The following PEX7 variants were observed in gnomAD, a reference collection of about 807,000 sequenced individuals.
PEX7 encodes peroxisomal biogenesis factor 7.
A neutral mutation model predicts 47.5 loss-of-function variants in PEX7; 34 were observed. The observed-to-expected ratio is 0.72, with a 90% CI of 0.54 to 0.95. The LOEUF (loss-of-function observed/expected upper bound fraction) is 0.95. Among genes scored for constraint, PEX7 ranks in the 40% least tolerant of loss-of-function variants. The pLI is 0.00. For synonymous variants in PEX7, 141 were observed against 148.8 expected, an observed-to-expected ratio of 0.95 and a Z score of 0.38; for missense variants, 394 against 400.3, an observed-to-expected ratio of 0.98 and a Z score of 0.13.
intron 8 of PEX7, among the ~76,000 whole-genome samples, chr6:136,893,542 C>T (rs1038407625): frequency 7.2e-5 from 11 of 152,290 alleles, no homozygotes; most frequent in South Asian, 2.1e-4. Flanking sequence ...AACTATGAGC[C>T]GCACAGGAGG....
intron 5 of PEX7, among the ~76,000 whole-genome samples, chr6:136,846,831 A>G (rs1216441546): frequency 6.6e-6 from 1 of 152,128 alleles, no homozygotes; most frequent in African/African-American, 2.4e-5. Context: ...TAGCAGCATG[A>G]TTTATAATCT....
At chr6:136,836,798 C>T (rs1774393031) in intron 3 of PEX7, among the ~76,000 whole-genome samples, 1 of 151,958 alleles carries the variant, frequency 6.6e-6, no homozygotes, top group South Asian at 2.1e-4. Flanking sequence ...ACTAAAAATA[C>T]AAAAATTAGC....
chr6:136,822,842 G>GGGGGCCGGGGCCAGCCGGGGGCC, intron 1 of PEX7, 47 bp downstream of exon 1: 1 of 1,231,682 alleles, frequency 8.1e-7, no homozygotes, highest in Non-Finnish European at 1.0e-6. Flanking sequence ...AGGCGGAGGC[G>GGGGGCCGGGGCCAGCCGGGGGCC]GGGGCCAGCC....
intron 8 of PEX7, among the ~76,000 whole-genome samples, chr6:136,889,491 C>T (rs2115259278): frequency 6.6e-6 from 1 of 152,260 alleles, no homozygotes; most frequent in East Asian, 1.9e-4. Context: ...GAATGTTAAG[C>T]CTTAGCTTAA....
intron 8 of PEX7, among the ~76,000 whole-genome samples, chr6:136,876,415 G>C (rs900762193): frequency 6.6e-6 from 1 of 152,070 alleles, no homozygotes; most frequent in Admixed American, 6.6e-5. Context: ...AGGTATATAC[G>C]TGCTATGGTG....
chr6:136,865,706 A>G (rs758454663), intron 5 of PEX7, among the ~76,000 whole-genome samples: 3 of 152,150 alleles, frequency 2.0e-5, no homozygotes, highest in Non-Finnish European at 4.4e-5. Context: ...TGAACCCAGG[A>G]GGTGGAAGTT....
intron 9 of PEX7, among the ~76,000 whole-genome samples, chr6:136,905,811 T>C (rs890672713): frequency 2.0e-5 from 3 of 152,206 alleles, no homozygotes; most frequent in African/African-American, 7.2e-5. Context: ...GTAGATGTCA[T>C]GCTTTTCCTT....
intron 7 of PEX7, 144 bp downstream of exon 7, chr6:136,870,147 A>G: frequency 1.9e-6 from 1 of 539,004 alleles, no homozygotes; most frequent in South Asian, 3.4e-5. Flanking sequence ...ATTAATTAGT[A>G]GTGAAAGCTA....
In PEX7 at chr6:136,913,620, TA is replaced by T; in HGVS notation, c.*95del. On this transcript the variant is annotated 3_prime_UTR_variant, in exon 10 of 10. Transcript: ENST00000318471. ...ATGGAAAACATAGACATTATGCTTT[TA>T]TATGCTATTCAGATTTCAAATCTTT... 2.3e-6 allele frequency: 2 copies of T among 876,332 alleles called. No individual in the cohort carries two copies. The highest frequency in any genetic ancestry group is 1.3e-5 in the South Asian group (1 of 75,500). 54.3% of individuals were successfully genotyped at this position (876,332 alleles called of 1,614,324 possible). A position where few individuals can be genotyped will look rare whatever the true frequency, so the allele number is the denominator to read the frequency against.
At chr6:136,841,476 T>C (rs1402174593) in intron 3 of PEX7, among the ~76,000 whole-genome samples, 1 of 152,358 alleles carries the variant, frequency 6.6e-6, no homozygotes, top group East Asian at 1.9e-4. Flanking sequence ...TTTTTGCCTA[T>C]TGACATTTTA....
intron 5 of PEX7, among the ~76,000 whole-genome samples, chr6:136,856,242 A>G (rs956414252): frequency 1.3e-5 from 2 of 151,610 alleles, no homozygotes; most frequent in Non-Finnish European, 2.9e-5. Context: ...TTGTGTTAGA[A>G]ATTAATATAA....
At chr6:136,898,463 G>C (rs577909640) in intron 9 of PEX7, among the ~76,000 whole-genome samples, 1 of 152,198 alleles carries the variant, frequency 6.6e-6, no homozygotes, top group Non-Finnish European at 1.5e-5. Context: ...CTTCCCAGGA[G>C]GTATTATCCT....
Position 136,846,157 on chromosome 6 carries a change from C to G in PEX7, c.502C>G (p.Pro168Ala). ...IYSTIWSPHI[P>A]GCFASASGDQ... ...TAGCACAATCTGGTCTCCCCACATCCCTGGTTGTTTTGCTTCAGCCTCAGG... is the reference window on the plus strand; with the variant it reads ...TAGCACAATCTGGTCTCCCCACATCGCTGGTTGTTTTGCTTCAGCCTCAGG... The change falls in exon 5 of 10, where the codon CCT (proline) becomes GCT (alanine). Residue 168 changes from proline (P) to alanine (A), a missense_variant. Physicochemically the swap from Pro to Ala is conservative, Grantham distance 27. Transcript: ENST00000318471. 6.2e-7 allele frequency: 1 copy of G among 1,612,210 alleles called. No homozygotes were observed. Among genetic ancestry groups the G allele is most frequent in the Non-Finnish European group, 8.5e-7 (1 of 1,178,504 alleles).
At chr6:136,897,282 G>C (rs1364809773) in intron 8 of PEX7, among the ~76,000 whole-genome samples, 3 of 152,156 alleles carry the variant, frequency 2.0e-5, no homozygotes, top group Non-Finnish European at 2.9e-5. Context: ...CATTAGAGAA[G>C]CTGAATTAGG....
intron 9 of PEX7, among the ~76,000 whole-genome samples, chr6:136,910,333 A>T (rs73777777): frequency 0.038 from 5,848 of 152,276 alleles, 193 homozygotes; most frequent in African/African-American, 0.091. Context: ...GAATGACTTC[A>T]TAGAGGAGAT....
chr6:136,863,122 C>A (rs1199893737), intron 5 of PEX7, among the ~76,000 whole-genome samples: 2 of 152,206 alleles, frequency 1.3e-5, no homozygotes, highest in African/African-American at 4.8e-5. Context: ...GAACAATTTC[C>A]TTTTGGTACT....
At chr6:136,828,602 C>T (rs1774239187) in intron 3 of PEX7, among the ~76,000 whole-genome samples, 1 of 152,216 alleles carries the variant, frequency 6.6e-6, no homozygotes, top group Non-Finnish European at 1.5e-5. Context: ...TTTCATTGTC[C>T]TGTCCTCAGA....
At position 136,826,382 on chromosome 6, in the gene PEX7, C is replaced by T. The variant is rs778764157; in HGVS notation, c.252C>T (p.Ile84=). 1 of 1,613,892 alleles carries T rather than the reference C, an allele frequency of 6.2e-7. No homozygotes were observed. Reference sequence around the variant, plus strand: ...GTGAGAACAACGAACATGTCCTCATCACCTGTAGTGGCGATGGCTCGCTGC... The same window carrying T: ...GTGAGAACAACGAACATGTCCTCATTACCTGTAGTGGCGATGGCTCGCTGC... ...TWSENNEHVL[I]TCSGDGSLQL... is the part of the protein sequence containing the mutation. The change falls in exon 3 of 10, where the codon ATC becomes ATT. Residue 84 remains isoleucine (I), a synonymous_variant. Coordinates refer to ENST00000318471, the MANE Select transcript of PEX7 (RefSeq NM_000288.4).
chr6:136,907,981 G>A (rs1204082387), intron 9 of PEX7, among the ~76,000 whole-genome samples: 1 of 152,078 alleles, frequency 6.6e-6, no homozygotes, highest in African/African-American at 2.4e-5. Context: ...GTGAATGCAT[G>A]TTTCTTTACT....
Sources: allele counts gnomAD v4.1 joint callset (sites outside exome capture counted in the v4.1 genomes callset), GRCh38; gene constraint gnomAD v4.1.1; transcripts MANE v1.5; gene names NCBI Gene and HGNC (gene_info 2026-07-23, HGNC 2026-07-21).